The following MAST3 variants were observed in gnomAD, a reference collection of about 807,000 sequenced individuals.
MAST3 encodes the protein microtubule associated serine/threonine kinase 3.
Under a neutral mutation model 127.0 loss-of-function variants are expected in MAST3, and 43 were observed. The ratio of observed to expected loss-of-function variants is 0.34; its 90% CI spans 0.27 to 0.44. MAST3 has a LOEUF of 0.44. Ranked by LOEUF, MAST3 falls within the 20% of genes least tolerant of loss-of-function variation. The pLI is 1.00. For synonymous variants in MAST3, 785 were observed against 809.2 expected, an observed-to-expected ratio of 0.97 and a Z score of 0.51; for missense variants, 1,390 against 1,919.1, an observed-to-expected ratio of 0.72 and a Z score of 5.15.
chr19:18,141,959 G>A lies in MAST3; in HGVS notation c.2283G>A (p.Glu761=). The change falls in exon 21 of 28, where the codon GAG becomes GAA. Residue 761 remains glutamate (E), a synonymous_variant. Coordinates refer to ENST00000687212, the MANE Select transcript of MAST3 (RefSeq NM_001393504.1). The part of the protein sequence containing the change: ...FAERSFSEDR[E]EGWERSEVDY... ...AAAGGAGCTTCAGTGAAGACCGGGAGGAGGGGTGGGAGCGCAGCGAAGTGG... is the reference window on the plus strand; with the variant it reads ...AAAGGAGCTTCAGTGAAGACCGGGAAGAGGGGTGGGAGCGCAGCGAAGTGG... 3 of 1,557,372 alleles carry A rather than the reference G, an allele frequency of 1.9e-6. No individual in the cohort carries two copies. The highest frequency in any genetic ancestry group is 2.6e-6 in the Non-Finnish European group (3 of 1,148,404).
At chr19:18,146,775 G>C in intron 25 of MAST3, 106 bp from the exon 26 acceptor site, 4 of 1,076,544 alleles carry the variant, frequency 3.7e-6, no homozygotes, top group Non-Finnish European at 5.3e-6. Context: ...ATGCTGGGGT[G>C]GTGGGTCCCA....
chr19:18,124,477 G>A, intron 10 of MAST3, 111 bp downstream of exon 10: 1 of 1,337,236 alleles, frequency 7.5e-7, no homozygotes, highest in Admixed American at 2.0e-5. Flanking sequence ...GGCTTTGAGA[G>A]GAACACAGGG....
Position 18,145,648 on chromosome 19 carries a change from C to A in MAST3, c.3040-95C>A, listed in dbSNP as rs576035970. 67 of 1,383,634 alleles carry A rather than the reference C, an allele frequency of 4.8e-5. No homozygotes were observed. In the African/African-American group the frequency reaches 8.5e-4, roughly 18 times the overall value. The allele number at this position is 1,383,634 out of a possible 1,614,324, so 85.7% of individuals were successfully genotyped here. ...GAAACTGAGACAGCACAAGAGGCAG[C>A]AGCTTGCTGGGGTCCCACAGCAGAC... On this transcript the variant is annotated intron_variant, in intron 24 of 27. Coordinates refer to ENST00000687212, the MANE Select transcript of MAST3 (RefSeq NM_001393504.1). The surrounding 1 kb of genome is among the most constrained non-coding windows in gnomAD (Gnocchi z 5.9).
chr19:18,149,157 G>T lies in MAST3; in HGVS notation c.3509-34G>T. 6.9e-7 allele frequency: 1 copy of T among 1,445,484 alleles called. No individual in the cohort carries two copies. Among genetic ancestry groups the T allele is most frequent in the Non-Finnish European group, 9.1e-7 (1 of 1,099,756 alleles). The allele number at this position is 1,445,484 out of a possible 1,614,324, so 89.5% of individuals were successfully genotyped here. A position where few individuals can be genotyped will look rare whatever the true frequency, so the allele number is the denominator to read the frequency against. On this transcript the variant is annotated intron_variant, in intron 27 of 27. Coordinates refer to ENST00000687212, the MANE Select transcript of MAST3 (RefSeq NM_001393504.1). This position sits in a 1 kb window ranked among gnomAD's most constrained non-coding sequence, Gnocchi z 5.9. ...CCACTTCTGGGCTGGGGACATTGAG[G>T]CCAGCAGCCCTGACCTACGCTTATC...
chr19:18,128,375 C>T (rs2040895235), intron 11 of MAST3, 25 bp from the exon 12 acceptor site: 3 of 1,534,142 alleles, frequency 2.0e-6, no homozygotes. Context: ...GAGGCTCCAG[C>T]TGAGCCTCCT....
At position 18,110,550 on chromosome 19, in the gene MAST3, C is replaced by T. The variant is rs1424911834; in HGVS notation, c.72-102C>T. On this transcript the variant is annotated intron_variant, in intron 2 of 27. Transcript: ENST00000687212. The surrounding 1 kb of genome is among the most constrained non-coding windows in gnomAD (Gnocchi z 4.3). ...GAACCCAGAATCCCCGGTCTTGGGC[C>T]CCTACTCCCTGAGGGAACCGCAGCC... 6 of 838,862 alleles carry T rather than the reference C, an allele frequency of 7.2e-6. No homozygotes were observed. In the African/African-American group the frequency reaches 1.1e-4, roughly 15 times the overall value. The allele number at this position is 838,862 out of a possible 1,614,324, so 52.0% of individuals were successfully genotyped here. A position where few individuals can be genotyped will look rare whatever the true frequency, so the allele number is the denominator to read the frequency against.
At chr19:18,122,903 A>T (rs1480677948) in intron 6 of MAST3, among the ~76,000 whole-genome samples, 152 bp downstream of exon 6, 1 of 152,238 alleles carries the variant, frequency 6.6e-6, no homozygotes, top group East Asian at 1.9e-4. Context: ...TGGGAAATGC[A>T]GGGTCCCCTG....
chr19:18,136,624 A>G (rs923325022), intron 18 of MAST3, among the ~76,000 whole-genome samples: 3 of 152,124 alleles, frequency 2.0e-5, no homozygotes, highest in African/African-American at 7.2e-5. Context: ...ACGAAATTTC[A>G]CCATGTTGCC....
At position 18,147,785 on chromosome 19, in the gene MAST3, C is replaced by T. The variant is rs976030269; in HGVS notation, c.3508+161C>T. Among the ~76,000 whole-genome samples, 16 of 152,156 alleles carry T rather than the reference C, an allele frequency of 1.1e-4. No individual in the cohort carries two copies. In the South Asian group the frequency reaches 2.3e-3, roughly 22 times the overall value. On this transcript the variant is annotated intron_variant, in intron 27 of 27. Transcript: ENST00000687212. ...CAGGGAACCTGGGAGTACTTAGAGA[C>T]GAATGCAGGTGCCAGGGAAGGATGC...
intron 1 of MAST3, chr19:18,098,960 G>A (rs377237886): frequency 3.2e-5 from 11 of 344,428 alleles, no homozygotes; most frequent in African/African-American, 1.9e-4. Context: ...ATTGCTGGGA[G>A]CCCTGGGGTA....
At chr19:18,130,134 G>GC (rs898259040) in intron 13 of MAST3, among the ~76,000 whole-genome samples, 37 of 152,012 alleles carry the variant, frequency 2.4e-4, no homozygotes, top group African/African-American at 8.7e-4. Flanking sequence ...GATCATTTGA[G>GC]CCGGGGGGGT....
chr19:18,116,947 C>G (rs1451566600), intron 3 of MAST3, among the ~76,000 whole-genome samples: 1 of 150,808 alleles, frequency 6.6e-6, no homozygotes, highest in Non-Finnish European at 1.5e-5. Context: ...AGCTATGAAG[C>G]CTGGGCCCCA....
chr19:18,119,386 C>T (rs1285233383), intron 3 of MAST3, among the ~76,000 whole-genome samples: 2 of 152,108 alleles, frequency 1.3e-5, no homozygotes, highest in Non-Finnish European at 2.9e-5. Context: ...GCCAGGTGAG[C>T]GTGCATTGAG....
intron 3 of MAST3, among the ~76,000 whole-genome samples, chr19:18,116,952 G>T (rs1245769577): frequency 2.7e-5 from 4 of 150,778 alleles, no homozygotes; most frequent in Middle Eastern, 3.4e-3. Flanking sequence ...TGAAGCCTGG[G>T]CCCCAGCATT....
At position 18,149,437 on chromosome 19, in the gene MAST3, G is replaced by T. The variant is rs765735075; in HGVS notation, c.3755G>T (p.Arg1252Leu). 45 of 1,516,772 alleles carry T rather than the reference G, an allele frequency of 3.0e-5. No homozygotes were observed. Among genetic ancestry groups the T allele is most frequent in the Non-Finnish European group, 3.8e-5 (43 of 1,136,082 alleles). 94.0% of individuals were successfully genotyped at this position (1,516,772 alleles called of 1,614,324 possible). A position where few individuals can be genotyped will look rare whatever the true frequency, so the allele number is the denominator to read the frequency against. The change falls in exon 28 of 28, where the codon CGA becomes CTA. Residue 1252 changes from arginine to leucine, a missense_variant. Physicochemically the swap from Arg to Leu is moderately radical, Grantham distance 102. Around this residue, in one of 5 missense-constraint regions of MAST3, gnomAD observed 816 missense variants for 934.1 expected, o/e 0.87. Coordinates refer to ENST00000687212, the MANE Select transcript of MAST3 (RefSeq NM_001393504.1). This position sits in a 1 kb window ranked among gnomAD's most constrained non-coding sequence, Gnocchi z 5.9. ...PLPGHPPAPARSPRLRRGQSA... is the reference protein window; with the variant it reads ...PLPGHPPAPALSPRLRRGQSA... ...CCCGGGCACCCGCCCGCACCTGCCC[G>T]ATCCCCGCGGCTGCGCCGGGGCCAG...
In MAST3 at chr19:18,144,092, T is replaced by C. The variant is rs1862717927; in HGVS notation, c.2584+85T>C. On this transcript the variant is annotated intron_variant, in intron 22 of 27. Transcript: ENST00000687212. The surrounding 1 kb of genome is among the most constrained non-coding windows in gnomAD (Gnocchi z 4.0). Reference sequence around the variant, plus strand: ...TTTGAGATGGGTTTTCAAGGATGAGTAGGAGTTCTCCAGAGCCAACAAAGG... The same window carrying C: ...TTTGAGATGGGTTTTCAAGGATGAGCAGGAGTTCTCCAGAGCCAACAAAGG... 1 of 1,488,982 alleles carries C rather than the reference T, an allele frequency of 6.7e-7. No individual in the cohort carries two copies. Among genetic ancestry groups the C allele is most frequent in the Non-Finnish European group, 8.9e-7 (1 of 1,117,598 alleles). 92.2% of individuals were successfully genotyped at this position (1,488,982 alleles called of 1,614,324 possible).
intron 1 of MAST3, among the ~76,000 whole-genome samples, chr19:18,102,250 G>A (rs1350654820): frequency 2.0e-5 from 3 of 151,094 alleles, no homozygotes; most frequent in Admixed American, 6.6e-5. Context: ...GCACGATCTC[G>A]GCTCACCGCA....
At chr19:18,139,845 A>G (rs1213971461) in intron 20 of MAST3, among the ~76,000 whole-genome samples, 1 of 136,374 alleles carries the variant, frequency 7.3e-6, no homozygotes, top group African/African-American at 2.8e-5. Context: ...TTTGAGACAG[A>G]GTCTCGCTCT....
rs1430388053 is a variant in MAST3, at chr19:18,144,498, C to T, written c.2617C>T (p.Arg873Trp). 10 of 1,599,562 alleles carry T rather than the reference C, an allele frequency of 6.3e-6. No homozygotes were observed. Among genetic ancestry groups the T allele is most frequent in the East Asian group, 2.3e-5 (1 of 44,200 alleles). ...DTAALSHARL[R>W]SNSIGARHST... ...AGCTGCTCTCAGCCACGCCCGCCTACGGAGCAATAGCATCGGCGCCCGACA... is the reference window on the plus strand; with the variant it reads ...AGCTGCTCTCAGCCACGCCCGCCTATGGAGCAATAGCATCGGCGCCCGACA... Residue 873 changes from arginine (R) to tryptophan (W), a missense_variant, in exon 23 of 28, where the codon CGG (arginine) becomes TGG (tryptophan). By Grantham distance (101) the Arg-to-Trp change is moderately radical. Around this residue, in one of 5 missense-constraint regions of MAST3, gnomAD observed 816 missense variants for 934.1 expected, o/e 0.87. Coordinates refer to ENST00000687212, the MANE Select transcript of MAST3 (RefSeq NM_001393504.1). This position sits in a 1 kb window ranked among gnomAD's most constrained non-coding sequence, Gnocchi z 4.0.
Sources: gnomAD v4.1 joint callset for allele counts (sites outside exome capture counted in the v4.1 genomes callset) on GRCh38, gnomAD v4.1.1 for gene constraint, gnomAD v4.1.1 regional missense constraint, Gnocchi (gnomAD v3.1) non-coding constraint, MANE v1.5 for transcripts, NCBI Gene and HGNC (gene_info 2026-07-23, HGNC 2026-07-21) for gene names.